The following PHRF1 variants were observed in gnomAD, a reference collection of about 807,000 sequenced individuals.
PHRF1 encodes PHD and ring finger domains 1, also known as PHD and RING finger domain-containing protein 1.
In PHRF1, 53 loss-of-function variants were observed where a neutral mutation model predicts 128.9. The observed-to-expected ratio is 0.41, with a 90% CI of 0.33 to 0.52. PHRF1 has a LOEUF of 0.52. Among genes scored for constraint, PHRF1 ranks in the 20% least tolerant of loss-of-function variants. The pLI is 0.21. For synonymous variants in PHRF1, 1,178 were observed against 980.6 expected (o/e 1.20, Z -3.76); for missense variants, 2,503 against 2,284.5 (o/e 1.10, Z -1.95).
intron 15 of PHRF1, 55 bp from the exon 16 acceptor site, chr11:610,446 G>T: frequency 6.4e-7 from 1 of 1,567,486 alleles, no homozygotes; most frequent in Non-Finnish European, 8.7e-7. Flanking sequence ...CACAGCTCCT[G>T]GGCACAGAGC....
At chr11:606,803 A>T in intron 13 of PHRF1, 1 of 883,900 alleles carries the variant, frequency 1.1e-6, no homozygotes, top group Non-Finnish European at 1.7e-6. Context: ...CTTCATGTTC[A>T]TAAGAACATG....
chr11:606,715 C>T, intron 13 of PHRF1, 119 bp downstream of exon 13: 1 of 1,363,630 alleles, frequency 7.3e-7, no homozygotes, highest in Non-Finnish European at 9.7e-7. Context: ...GGGGACCATT[C>T]CTCAGCCATT....
At chr11:604,598 T>G (rs1482297123) in intron 10 of PHRF1, among the ~76,000 whole-genome samples, 1 of 152,168 alleles carries the variant, frequency 6.6e-6, no homozygotes, top group Non-Finnish European at 1.5e-5. Flanking sequence ...CACTGCAACC[T>G]CTGCCTCCCG....
chr11:596,822 T>G (rs1855306934), intron 6 of PHRF1, 101 bp from the exon 7 acceptor site: 1 of 969,240 alleles, frequency 1.0e-6, no homozygotes, highest in African/African-American at 1.6e-5. Context: ...CATCGCAGAC[T>G]TGGGTGCCAT....
At chr11:592,792 C>A in intron 6 of PHRF1, 118 bp downstream of exon 6, 1 of 1,086,952 alleles carries the variant, frequency 9.2e-7, no homozygotes, top group Non-Finnish European at 1.4e-6. Flanking sequence ...TGGAGCTGTG[C>A]TCACCACCCT....
In PHRF1 at chr11:608,610, C is replaced by T. The variant is rs762787939; in HGVS notation, c.3154C>T (p.Arg1052Trp). ...PRRQRSKAKS[R>W]RSSSDRSSSR... ...GAGGCAGCGGTCCAAGGCCAAGAGC[C>T]GGCGGTCCTCCAGTGACCGCTCCAG... The change falls in exon 14 of 18, where the codon CGG becomes TGG. Residue 1052 changes from arginine (R) to tryptophan (W), a missense_variant. By Grantham distance (101) the Arg-to-Trp change is moderately radical. Coordinates refer to ENST00000264555, the MANE Select transcript of PHRF1 (RefSeq NM_001286581.2). The T allele has an allele frequency of 1.7e-5, 27 of 1,612,020 alleles. No individual in the cohort carries two copies. The highest frequency in any genetic ancestry group is 1.3e-4 in the East Asian group (6 of 44,884).
Position 608,921 on chromosome 11 carries a change from C to T in PHRF1, c.3465C>T (p.Pro1155=), listed in dbSNP as rs748367562. The change falls in exon 14 of 18, where the codon CCC becomes CCT. Residue 1155 remains proline (P), a synonymous_variant. Coordinates refer to ENST00000264555, the MANE Select transcript of PHRF1 (RefSeq NM_001286581.2). ...ACAGGAAGGAGAGTGTGGCGTGGCC[C>T]CGAGACCGGAGGAAGCGGAGGTCCC... is the stretch of plus-strand genomic sequence containing the variant. ...RPDRKESVAW[P]RDRRKRRSRS... is the part of the protein sequence containing the mutation. The T allele has an allele frequency of 5.0e-6, 8 of 1,612,096 alleles. No homozygotes were observed. In the South Asian group the frequency reaches 7.7e-5, roughly 15 times the overall value.
rs908946481 is a variant in PHRF1, at chr11:597,961, C to T, written c.894+391C>T. Among the ~76,000 whole-genome samples, 3 of 152,250 alleles carry T rather than the reference C, an allele frequency of 2.0e-5. No individual in the cohort carries two copies. Among genetic ancestry groups the T allele is most frequent in the South Asian group, 2.1e-4 (1 of 4,838 alleles). ...CTGCAGCCTCCGTCCTGACAGCAGC[C>T]TTTCCCTGGGCATTGGACAAGCAGG... On this transcript the variant is annotated intron_variant, in intron 8 of 17. Transcript: ENST00000264555. The surrounding 1 kb of genome is among the most constrained non-coding windows in gnomAD (Gnocchi z 6.5).
intron 6 of PHRF1, among the ~76,000 whole-genome samples, chr11:593,499 G>A (rs879004222): frequency 3.3e-5 from 5 of 152,218 alleles, no homozygotes; most frequent in Non-Finnish European, 5.9e-5. Context: ...GGTCCCGGTC[G>A]TCCCAGCTTT....
Position 597,524 on chromosome 11 carries a change from G to T in PHRF1, c.848G>T (p.Arg283Ile). The change falls in exon 8 of 18, where the codon AGA becomes ATA. Residue 283 changes from arginine to isoleucine, a missense_variant. Physicochemically the swap from Arg to Ile is moderately conservative, Grantham distance 97. Coordinates refer to ENST00000264555, the MANE Select transcript of PHRF1 (RefSeq NM_001286581.2). The surrounding 1 kb of genome is among the most constrained non-coding windows in gnomAD (Gnocchi z 6.5). ...IARTRQSERV[R>I]ATVNRNRIST... Reference sequence around the variant, plus strand: ...AGGACACGGCAGAGTGAGAGAGTGAGAGCAACCGTGAACCGGAACCGGATC... The same window carrying T: ...AGGACACGGCAGAGTGAGAGAGTGATAGCAACCGTGAACCGGAACCGGATC... The T allele has an allele frequency of 6.2e-7, 1 of 1,612,442 alleles. No individual in the cohort carries two copies. The highest frequency in any genetic ancestry group is 1.7e-5 in the Admixed American group (1 of 59,918).
At position 610,658 on chromosome 11, in the gene PHRF1, T is replaced by A. The variant is rs374595021; in HGVS notation, c.4574T>A (p.Leu1525Gln). 3 of 1,604,098 alleles carry A rather than the reference T, an allele frequency of 1.9e-6. No homozygotes were observed. The highest frequency in any genetic ancestry group is 2.7e-5 in the African/African-American group (2 of 74,924). ...AQTLAPVPAA[L>Q]TPASEPASQA... ...ACCCTGGCCCCAGTGCCCGCTGCCCTGACCCCAGCCTCAGAGCCAGCCAGT... is the reference window on the plus strand; with the variant it reads ...ACCCTGGCCCCAGTGCCCGCTGCCCAGACCCCAGCCTCAGAGCCAGCCAGT... Residue 1525 changes from leucine (L) to glutamine (Q), a missense_variant, in exon 16 of 18, where the codon CTG (leucine) becomes CAG (glutamine). Physicochemically the swap from Leu to Gln is moderately radical, Grantham distance 113. Transcript: ENST00000264555.
Position 608,940 on chromosome 11 carries a change from A to C in PHRF1, c.3484A>C (p.Arg1162=). 6.2e-7 allele frequency: 1 copy of C among 1,611,298 alleles called. No homozygotes were observed. Among genetic ancestry groups the C allele is most frequent in the Non-Finnish European group, 8.5e-7 (1 of 1,179,510 alleles). Residue 1162 remains arginine, a synonymous_variant, in exon 14 of 18, where the codon AGG becomes CGG. Coordinates refer to ENST00000264555, the MANE Select transcript of PHRF1 (RefSeq NM_001286581.2). The part of the protein sequence containing the change: ...VAWPRDRRKR[R]SRSPSSEHRA... ...GTGGCCCCGAGACCGGAGGAAGCGGAGGTCCCGGTCCCCAAGCTCGGAGCA... is the reference window on the plus strand; with the variant it reads ...GTGGCCCCGAGACCGGAGGAAGCGGCGGTCCCGGTCCCCAAGCTCGGAGCA...
chr11:590,644 C>A (rs1854913250), intron 4 of PHRF1, among the ~76,000 whole-genome samples: 1 of 152,278 alleles, frequency 6.6e-6, no homozygotes, highest in South Asian at 2.1e-4. Flanking sequence ...TGGGTCAGAA[C>A]ACTATTAATA....
intron 3 of PHRF1, 106 bp downstream of exon 3, chr11:582,187 A>G (rs1854246705): frequency 1.5e-5 from 23 of 1,514,114 alleles, no homozygotes; most frequent in South Asian, 5.0e-5. Context: ...ACAGCTGGCC[A>G]TGTCCCTGCG....
At chr11:579,335 C>G (rs757983484) in intron 1 of PHRF1, among the ~76,000 whole-genome samples, 10 of 151,894 alleles carry the variant, frequency 6.6e-5, no homozygotes, top group Non-Finnish European at 1.3e-4. Flanking sequence ...GAGTCTGCCT[C>G]CCTCTTTCAG....
Position 609,291 on chromosome 11 carries a change from G to T in PHRF1, c.3835G>T (p.Val1279Phe). 1 of 1,612,446 alleles carries T rather than the reference G, an allele frequency of 6.2e-7. No homozygotes were observed. The highest frequency in any genetic ancestry group is 8.5e-7 in the Non-Finnish European group (1 of 1,179,880). Residue 1279 changes from valine (V) to phenylalanine (F), a missense_variant, in exon 14 of 18, where the codon GTT becomes TTT. Transcript: ENST00000264555. ...CTTTGATGATTTCTCAAGCGACGCC[G>T]TTTTCATCCAGCTCGATGACATGAG... ...HVFDDFSSDA[V>F]FIQLDDMSSP... is the part of the protein sequence containing the mutation.
intron 6 of PHRF1, among the ~76,000 whole-genome samples, chr11:593,466 A>G (rs1855101151): frequency 6.6e-6 from 1 of 152,230 alleles, no homozygotes; most frequent in Non-Finnish European, 1.5e-5. Flanking sequence ...GCTCCTGGTG[A>G]AGGCCTTTGC....
chr11:606,935 T>C, intron 13 of PHRF1, 131 bp from the exon 14 acceptor site: 1 of 1,402,946 alleles, frequency 7.1e-7, no homozygotes, highest in Non-Finnish European at 9.5e-7. Flanking sequence ...AGGCGAGGTG[T>C]CCACCTCAAC....
chr11:587,242 G>T lies in PHRF1; in HGVS notation c.215-17G>T, dbSNP rs951029279. ...CTGCCCATCCTGCTTGCACCAGCTG[G>T]CATGTTTCCTCTCCAGGTTCCGAGG... On this transcript the variant is annotated splice_polypyrimidine_tract_variant and intron_variant, in intron 3 of 17. Transcript: ENST00000264555. 1.2e-6 allele frequency: 2 copies of T among 1,611,308 alleles called. No individual in the cohort carries two copies. The highest frequency in any genetic ancestry group is 1.7e-6 in the Non-Finnish European group (2 of 1,179,112).
Sources: gnomAD v4.1 joint callset for allele counts (sites outside exome capture counted in the v4.1 genomes callset) on GRCh38, gnomAD v4.1.1 for gene constraint, Gnocchi (gnomAD v3.1) non-coding constraint, MANE v1.5 for transcripts, NCBI Gene and HGNC (gene_info 2026-07-23, HGNC 2026-07-21) for gene names.